Variants in ATP6V0A4 observed in about 807,000 individuals in gnomAD.
ATP6V0A4 encodes ATPase H+ transporting V0 subunit a4, also known as V-type proton ATPase 116 kDa subunit a 4.
ATP6V0A4 carries 86 observed loss-of-function variants against 107.3 expected under a neutral mutation model. The ratio of observed to expected loss-of-function variants is 0.80; its 90% CI spans 0.67 to 0.96. The LOEUF is 0.96. Among genes scored for constraint, ATP6V0A4 ranks in the 40% least tolerant of loss-of-function variants. ATP6V0A4 has a pLI of 0.00. For missense variants in ATP6V0A4, 908 were observed against 1,045.6 expected, an observed-to-expected ratio of 0.87 and a Z score of 1.81; for synonymous variants, 353 against 381.4, an observed-to-expected ratio of 0.93 and a Z score of 0.87.
chr7:138,706,640 C>A lies in ATP6V0A4; in HGVS notation c.2507G>T (p.Gly836Val). 6.2e-7 allele frequency: 1 copy of A among 1,613,858 alleles called. No homozygotes were observed. Among genetic ancestry groups the A allele is most frequent in the South Asian group, 1.1e-5 (1 of 91,078 alleles). ...SPFSFKHILD[G>V]TAEE is the part of the protein sequence containing the mutation. The stretch of plus-strand genomic sequence containing the variant: ...GCCCTCAGCCTACTCCTCGGCTGTG[C>A]CATCCAGGATGTGTTTAAAGGAGAA... Residue 836 changes from glycine to valine, a missense_variant, in exon 22 of 22, where the codon GGC becomes GTC. Transcript: ENST00000310018.
intron 17 of ATP6V0A4, among the ~76,000 whole-genome samples, chr7:138,731,141 G>A (rs756070156): frequency 2.6e-5 from 4 of 152,048 alleles, no homozygotes; most frequent in African/African-American, 9.7e-5. Flanking sequence ...CACCATGTTG[G>A]GCAGGCTGGT....
chr7:138,748,316 G>C (rs1163209613), intron 12 of ATP6V0A4, among the ~76,000 whole-genome samples: 1 of 152,118 alleles, frequency 6.6e-6, no homozygotes, highest in Non-Finnish European at 1.5e-5. Flanking sequence ...TGCATTACAG[G>C]CCACAAATTC....
At chr7:138,750,599 T>C (rs1325246446) in intron 11 of ATP6V0A4, among the ~76,000 whole-genome samples, 1 of 152,226 alleles carries the variant, frequency 6.6e-6, no homozygotes, top group East Asian at 1.9e-4. Context: ...GCACACCCAC[T>C]GGGATCTGAC....
chr7:138,765,494 G>A (rs965637730), intron 5 of ATP6V0A4, among the ~76,000 whole-genome samples: 1 of 152,176 alleles, frequency 6.6e-6, no homozygotes, highest in Non-Finnish European at 1.5e-5. Flanking sequence ...CTGAGGGGAT[G>A]GTGGTTTTTT....
chr7:138,753,221 G>C (rs1296722187), intron 10 of ATP6V0A4, among the ~76,000 whole-genome samples: 1 of 152,188 alleles, frequency 6.6e-6, no homozygotes, highest in East Asian at 1.9e-4. Flanking sequence ...TATGACCACT[G>C]TCCTGATAAG....
intron 11 of ATP6V0A4, 52 bp from the exon 12 acceptor site, chr7:138,749,369 G>T: frequency 6.3e-7 from 1 of 1,595,346 alleles, no homozygotes; most frequent in South Asian, 1.1e-5. Context: ...GTCTTGGGCT[G>T]GGTGTCAGCA....
chr7:138,769,716 A>G (rs1329740258), intron 3 of ATP6V0A4, among the ~76,000 whole-genome samples: 1 of 152,158 alleles, frequency 6.6e-6, no homozygotes, highest in Non-Finnish European at 1.5e-5. Context: ...TTACAGGCAA[A>G]ACACACCTTA....
intron 1 of ATP6V0A4, among the ~76,000 whole-genome samples, chr7:138,787,733 C>A: frequency 6.6e-6 from 1 of 152,278 alleles, no homozygotes; most frequent in Middle Eastern, 3.4e-3. Flanking sequence ...AGCAGTGACT[C>A]ACACCTGTAA....
At chr7:138,733,192 T>C in intron 16 of ATP6V0A4, 99 bp from the exon 17 acceptor site, 21 of 339,704 alleles carry the variant, frequency 6.2e-5, no homozygotes, top group Non-Finnish European at 6.5e-5. Context: ...ATGTTCTATC[T>C]TTTTTTTTTT....
At chr7:138,747,323 C>G in intron 13 of ATP6V0A4, 102 bp downstream of exon 13, 5 of 1,440,548 alleles carry the variant, frequency 3.5e-6, no homozygotes, top group Non-Finnish European at 4.8e-6. Context: ...TTCCTTCTCT[C>G]CTTTATTTTT....
At chr7:138,706,827 A>G in intron 21 of ATP6V0A4, 110 bp from the exon 22 acceptor site, 1 of 1,547,888 alleles carries the variant, frequency 6.5e-7, no homozygotes. Flanking sequence ...AATCAAGCAC[A>G]AAGTCAGAAG....
Position 138,762,361 on chromosome 7 carries a change from G to A in ATP6V0A4, c.491C>T (p.Ala164Val), listed in dbSNP as rs1277901726. The A allele has an allele frequency of 6.2e-7, 1 of 1,614,134 alleles. No homozygotes were observed. Among genetic ancestry groups the A allele is most frequent in the Admixed American group, 1.7e-5 (1 of 60,012 alleles). The change falls in exon 7 of 22, where the codon GCA (alanine) becomes GTA (valine). Residue 164 changes from alanine to valine, a missense_variant. By Grantham distance (64) the Ala-to-Val change is moderately conservative (BLOSUM62 0). Coordinates refer to ENST00000310018, the MANE Select transcript of ATP6V0A4 (RefSeq NM_020632.3). ...TAACCCCAACTTTCCGGTCATATAT[G>A]CAGGCACTGCTTTCAACTCCAGGAG... The part of the protein sequence containing the change: ...SGLLELKAVP[A>V]YMTGKLGFIA...
At chr7:138,749,932 A>G (rs1806141537) in intron 11 of ATP6V0A4, among the ~76,000 whole-genome samples, 1 of 152,148 alleles carries the variant, frequency 6.6e-6, no homozygotes, top group South Asian at 2.1e-4. Context: ...TCCGATTCCC[A>G]CAGCTATCAC....
intron 15 of ATP6V0A4, among the ~76,000 whole-genome samples, chr7:138,736,994 G>A (rs1351139989): frequency 1.3e-5 from 2 of 151,288 alleles, no homozygotes; most frequent in Non-Finnish European, 2.9e-5. Context: ...TGATTCCTGC[G>A]TTAAGAGCCC....
In ATP6V0A4 at chr7:138,751,396, G is replaced by A. The variant is rs113890977; in HGVS notation, c.1029+1229C>T. 7.8e-3 allele frequency among the ~76,000 whole-genome samples: 1,187 copies of A among 152,206 alleles called. 19 individuals are homozygous for A. Among genetic ancestry groups the A allele is most frequent in the African/African-American group, 0.027 (1,123 of 41,518 alleles). On this transcript the variant is annotated intron_variant, in intron 11 of 21. Coordinates refer to ENST00000310018, the MANE Select transcript of ATP6V0A4 (RefSeq NM_020632.3). Reference sequence around the variant, plus strand: ...CTAAAAACAGCTGTCAAGCCCGTCTGTCCAGTGTCAGGGTAATGTGTTCGG... The same window carrying A: ...CTAAAAACAGCTGTCAAGCCCGTCTATCCAGTGTCAGGGTAATGTGTTCGG...
chr7:138,722,236 G>T, intron 18 of ATP6V0A4: 1 of 440,720 alleles, frequency 2.3e-6, no homozygotes, highest in Non-Finnish European at 3.0e-6. Flanking sequence ...AGCACAGAAA[G>T]GTTAAGAAAT....
At chr7:138,734,341 AG>A (rs2117243283) in intron 15 of ATP6V0A4, 87 bp from the exon 16 acceptor site, 1 of 1,590,106 alleles carries the variant, frequency 6.3e-7, no homozygotes, top group South Asian at 1.1e-5. Context: ...ACTTTCCCTA[AG>A]CAAACCGCTC....
chr7:138,777,063 C>T (rs1197061391), intron 2 of ATP6V0A4, among the ~76,000 whole-genome samples: 2 of 150,796 alleles, frequency 1.3e-5, no homozygotes, highest in African/African-American at 4.9e-5. Context: ...GCACGAGAAT[C>T]GCTTGAACCC....
At chr7:138,751,738 C>T (rs1806236928) in intron 11 of ATP6V0A4, among the ~76,000 whole-genome samples, 1 of 151,826 alleles carries the variant, frequency 6.6e-6, no homozygotes, top group Non-Finnish European at 1.5e-5. Flanking sequence ...CCATCTCGGA[C>T]ACACCGCAAG....
Sources: allele counts gnomAD v4.1 joint callset (sites outside exome capture counted in the v4.1 genomes callset), GRCh38; gene constraint gnomAD v4.1.1; transcripts MANE v1.5; gene names NCBI Gene and HGNC (gene_info 2026-07-23, HGNC 2026-07-21).